The following ERC2 variants were observed in gnomAD, a reference collection of about 807,000 sequenced individuals.
ERC2 encodes ELKS/RAB6-interacting/CAST family member 2.
In ERC2, 42 loss-of-function variants were observed where a neutral mutation model predicts 114.8. The ratio of observed to expected loss-of-function variants is 0.37; its 90% confidence interval spans 0.29 to 0.47. ERC2 has a LOEUF of 0.47. ERC2 is among the 20% of genes least tolerant of loss of function. The pLI, the probability that ERC2 is intolerant of heterozygous loss-of-function variation, is 0.99. For synonymous variants in ERC2, 454 were observed against 425.5 expected, an observed-to-expected ratio of 1.07 and a Z score of -0.82; for missense variants, 939 against 1,150.7, an observed-to-expected ratio of 0.82 and a Z score of 2.66.
chr3:55,591,572 TGC>T (rs375301551), intron 17 of ERC2, among the ~76,000 whole-genome samples: 15 of 115,102 alleles, frequency 1.3e-4, no homozygotes, highest in Admixed American at 2.8e-4. Context: ...GAAGTTTGTG[TGC>T]GTGTGTGTGT....
At chr3:55,735,366 C>T (rs1053462093) in intron 14 of ERC2, among the ~76,000 whole-genome samples, 34 of 152,150 alleles carry the variant, frequency 2.2e-4, no homozygotes, top group African/African-American at 7.7e-4. Flanking sequence ...AGTTTAAGGG[C>T]ATGGTGGTAG....
intron 17 of ERC2, among the ~76,000 whole-genome samples, chr3:55,579,448 G>T (rs2057148963): frequency 6.6e-6 from 1 of 152,124 alleles, no homozygotes; most frequent in Non-Finnish European, 1.5e-5. Context: ...AGACATATTT[G>T]CCCCATGGGA....
intron 15 of ERC2, among the ~76,000 whole-genome samples, chr3:55,714,399 G>A (rs1221117455): frequency 6.6e-6 from 1 of 152,028 alleles, no homozygotes; most frequent in African/African-American, 2.4e-5. Context: ...AGCAGTTAAT[G>A]AGAAGTAACC....
At chr3:56,131,880 A>G (rs1455280018) in intron 6 of ERC2, among the ~76,000 whole-genome samples, 2 of 152,240 alleles carry the variant, frequency 1.3e-5, no homozygotes, top group African/African-American at 2.4e-5. Context: ...ATTTGTGGTG[A>G]CAGATATGTT....
intron 14 of ERC2, among the ~76,000 whole-genome samples, chr3:55,771,976 A>G (rs2149027948): frequency 6.6e-6 from 1 of 152,308 alleles, no homozygotes; most frequent in Admixed American, 6.5e-5. Flanking sequence ...GCGACCTGGG[A>G]GCAACTCATA....
At chr3:56,157,807 G>C (rs917844562) in intron 4 of ERC2, among the ~76,000 whole-genome samples, 3 of 152,042 alleles carry the variant, frequency 2.0e-5, no homozygotes, top group South Asian at 2.1e-4. Flanking sequence ...CACCAATGTG[G>C]CCTGATGGAT....
At chr3:56,262,688 G>C (rs1439475196) in intron 3 of ERC2, among the ~76,000 whole-genome samples, 1 of 152,198 alleles carries the variant, frequency 6.6e-6, no homozygotes, top group Non-Finnish European at 1.5e-5. Context: ...TTAAATGTAA[G>C]AGTTAAACAC....
chr3:55,609,839 G>A (rs2058810881), intron 17 of ERC2, among the ~76,000 whole-genome samples: 1 of 151,744 alleles, frequency 6.6e-6, no homozygotes, highest in African/African-American at 2.4e-5. Flanking sequence ...CCTCTGCTTT[G>A]GTCAAAGTTG....
rs756308197 is a variant in ERC2, at chr3:56,040,580, C to CATATACATATACATGTAT, written c.1642-21550_1642-21549insATACATGTATATGTATAT. 6.7e-5 allele frequency among the ~76,000 whole-genome samples: 5 copies of CATATACATATACATGTAT among 74,584 alleles called. 1 individual carries two copies. The South Asian group carries it at 2.0e-3, about 30-fold the overall frequency. The allele number at this position is 74,584 out of a possible 152,430, so 48.9% of individuals were successfully genotyped here. A position where few individuals can be genotyped will look rare whatever the true frequency, so the allele number is the denominator to read the frequency against. ...GTATATAGAGATGTATATATGTATA[C>CATATACATATACATGTAT]ATATACATATATATCTATATATGTA... On this transcript the variant is annotated intron_variant, in intron 7 of 17. Transcript: ENST00000288221.
intron 16 of ERC2, among the ~76,000 whole-genome samples, chr3:55,687,227 G>T (rs1031975733): frequency 6.6e-6 from 1 of 152,060 alleles, no homozygotes; most frequent in East Asian, 1.9e-4. Context: ...TTGTTGTTGT[G>T]GGGGGGCATT....
intron 3 of ERC2, among the ~76,000 whole-genome samples, chr3:56,231,301 C>T (rs756659887): frequency 6.6e-6 from 1 of 152,212 alleles, no homozygotes; most frequent in Non-Finnish European, 1.5e-5. Flanking sequence ...TCTTTGAAGG[C>T]CAATCTCTTG....
intron 2 of ERC2, among the ~76,000 whole-genome samples, chr3:56,405,410 G>C (rs2060677503): frequency 1.3e-5 from 2 of 151,616 alleles, no homozygotes; most frequent in Admixed American, 6.6e-5. Flanking sequence ...CTGAGTGACA[G>C]AGCAAGAATC....
chr3:55,516,334 G>T (rs550914317), intron 17 of ERC2, among the ~76,000 whole-genome samples: 3 of 152,008 alleles, frequency 2.0e-5, no homozygotes, highest in African/African-American at 4.8e-5. Context: ...TGGGTTTCCC[G>T]TTTTCCTCAT....
At chr3:56,206,290 A>G (rs745463170) in intron 3 of ERC2, among the ~76,000 whole-genome samples, 3 of 151,978 alleles carry the variant, frequency 2.0e-5, no homozygotes, top group Non-Finnish European at 4.4e-5. Context: ...CATGCCTCCA[A>G]AGCTTTTGGG....
chr3:55,639,721 T>G (rs150685772), intron 17 of ERC2, among the ~76,000 whole-genome samples: 8 of 152,308 alleles, frequency 5.3e-5, no homozygotes, highest in Non-Finnish European at 1.0e-4. Context: ...CAACCAAACC[T>G]AATTCAATCT....
At chr3:55,660,703 T>C (rs1152112) in intron 17 of ERC2, among the ~76,000 whole-genome samples, 24,104 of 152,154 alleles carry the variant, frequency 0.16, 2,101 homozygotes, top group African/African-American at 0.23. Flanking sequence ...TGGTGCACTG[T>C]GAAGTACAGC....
intron 14 of ERC2, among the ~76,000 whole-genome samples, chr3:55,811,545 G>A (rs1192254570): frequency 6.6e-6 from 1 of 152,130 alleles, no homozygotes; most frequent in Non-Finnish European, 1.5e-5. Context: ...TACATTACCT[G>A]AGCCTTACAC....
intron 2 of ERC2, among the ~76,000 whole-genome samples, chr3:56,304,773 C>A (rs2056111411): frequency 6.6e-6 from 1 of 152,058 alleles, no homozygotes; most frequent in South Asian, 2.1e-4. Flanking sequence ...ATGATCAGCT[C>A]AAGATATAAA....
chr3:56,074,975 AT>A (rs2076904176), intron 7 of ERC2, among the ~76,000 whole-genome samples: 1 of 152,168 alleles, frequency 6.6e-6, no homozygotes, highest in African/African-American at 2.4e-5. Context: ...CATGCCAAGA[AT>A]TTTGCGAGAA....
Sources: gnomAD v4.1 joint callset for allele counts (sites outside exome capture counted in the v4.1 genomes callset) on GRCh38, gnomAD v4.1.1 for gene constraint, MANE v1.5 for transcripts, NCBI Gene and HGNC (gene_info 2026-07-23, HGNC 2026-07-21) for gene names.